RBM47: variants seen among roughly 807,000 people sequenced by gnomAD.
The protein encoded by RBM47 is RNA binding motif protein 47.
A neutral mutation model predicts 47.1 loss-of-function variants in RBM47; 21 were observed. The observed-to-expected ratio is 0.45, with a 90% CI of 0.32 to 0.64. The LOEUF is 0.64. RBM47 is among the 30% of genes least tolerant of loss of function. The pLI, the probability that RBM47 is intolerant of heterozygous loss-of-function variation, is 0.05. For synonymous variants in RBM47, 375 were observed against 361.7 expected, an observed-to-expected ratio of 1.04 and a Z score of -0.42; for missense variants, 708 against 870.9, an observed-to-expected ratio of 0.81 and a Z score of 2.35.
chr4:40,560,118 C>T (rs1730466737), intron 1 of RBM47, among the ~76,000 whole-genome samples: 1 of 152,130 alleles, frequency 6.6e-6, no homozygotes, highest in Non-Finnish European at 1.5e-5. Context: ...CAAAACGCAG[C>T]CAAGCTGAGT....
chr4:40,576,254 TTTG>T (rs1339040834), intron 1 of RBM47, among the ~76,000 whole-genome samples: 1 of 69,784 alleles, frequency 1.4e-5, no homozygotes, highest in Non-Finnish European at 2.7e-5. Context: ...TTTTTTTTTT[TTTG>T]GGGGGGGGCG....
intron 3 of RBM47, among the ~76,000 whole-genome samples, chr4:40,458,143 T>C (rs569585323): frequency 5.3e-4 from 80 of 152,338 alleles, no homozygotes; most frequent in African/African-American, 1.9e-3. Flanking sequence ...ATATTACACA[T>C]GAATACATGT....
At chr4:40,496,330 AC>A (rs1722565584) in intron 2 of RBM47, among the ~76,000 whole-genome samples, 1 of 9,006 alleles carries the variant, frequency 1.1e-4, no homozygotes, top group Non-Finnish European at 2.7e-4. Flanking sequence ...GAGAACTTAA[AC>A]ACACACACAC....
rs56334700 is a variant in RBM47, at chr4:40,423,652, TTTTCTTTCTTTCTTTCTTTCTTTCTTTC to T, written c.*2224_*2251del. On this transcript the variant is annotated 3_prime_UTR_variant, in exon 7 of 7. Coordinates refer to ENST00000295971, the MANE Select transcript of RBM47 (RefSeq NM_001098634.2). The stretch of plus-strand genomic sequence containing the variant: ...TCATTTTTTTTTATTCTTTCTTTCT[TTTTCTTTCTTTCTTTCTTTCTTTCTTTC>T]TTTCTTTCTTTCTTTCTTTCTTTCT... The T allele has an allele frequency of 5.0e-4, 65 of 129,280 alleles. No homozygotes were observed. In the South Asian group the frequency reaches 5.2e-3, roughly 10 times the overall value. The allele number at this position is 129,280 out of a possible 1,614,324, so 8.0% of individuals were successfully genotyped here. A position where few individuals can be genotyped will look rare whatever the true frequency, so the allele number is the denominator to read the frequency against.
At chr4:40,520,885 C>T (rs1466985130) in intron 2 of RBM47, among the ~76,000 whole-genome samples, 2 of 152,186 alleles carry the variant, frequency 1.3e-5, no homozygotes, top group African/African-American at 4.8e-5. Context: ...ACCGCTAGAC[C>T]AGCAGTTCTC....
intron 1 of RBM47, among the ~76,000 whole-genome samples, chr4:40,609,081 C>T (rs577894455): frequency 7.9e-5 from 12 of 152,244 alleles, no homozygotes; most frequent in Non-Finnish European, 1.3e-4. Flanking sequence ...GCAGCTCCGC[C>T]TACCGGGTTC....
chr4:40,437,934 G>A lies in RBM47; in HGVS notation c.960C>T (p.Asp320=). ...CLEVTLAKPV[D]KEQYSRYQKA... ...TCTGGTAGCGCGAGTACTGCTCCTT[G>A]TCCACGGGCTTGGCCAGCGTGACCT... The change falls in exon 4 of 7, where the codon GAC becomes GAT. Residue 320 remains aspartate (D), a synonymous_variant. Coordinates refer to ENST00000295971, the MANE Select transcript of RBM47 (RefSeq NM_001098634.2). 8 of 1,613,724 alleles carry A rather than the reference G, an allele frequency of 5.0e-6. No individual in the cohort carries two copies. Among genetic ancestry groups the A allele is most frequent in the Non-Finnish European group, 6.8e-6 (8 of 1,180,010 alleles).
intron 3 of RBM47, among the ~76,000 whole-genome samples, chr4:40,451,163 A>G (rs1371824714): frequency 7.0e-6 from 1 of 143,494 alleles, no homozygotes; most frequent in Non-Finnish European, 1.5e-5. Flanking sequence ...CCTGGGCAGC[A>G]TGGCAAGGCG....
intron 1 of RBM47, among the ~76,000 whole-genome samples, chr4:40,577,150 T>C (rs979792062): frequency 2.0e-5 from 3 of 152,214 alleles, no homozygotes; most frequent in Admixed American, 1.3e-4. Flanking sequence ...CATGAACACA[T>C]GACTGTTCTT....
intron 1 of RBM47, among the ~76,000 whole-genome samples, chr4:40,596,380 T>G (rs1734757187): frequency 7.2e-5 from 11 of 152,196 alleles, no homozygotes; most frequent in Admixed American, 7.2e-4. Context: ...CACTTCCTGG[T>G]GCAGGCACAT....
At chr4:40,426,996 T>C (rs1715153442) in intron 6 of RBM47, 1 of 152,198 alleles carries the variant, frequency 6.6e-6, no homozygotes, top group Non-Finnish European at 1.5e-5. Flanking sequence ...TCTAGATACA[T>C]GCCAGCTGCC....
chr4:40,572,425 T>C (rs1731820138), intron 1 of RBM47, among the ~76,000 whole-genome samples: 1 of 151,782 alleles, frequency 6.6e-6, no homozygotes, highest in Non-Finnish European at 1.5e-5. Flanking sequence ...ATCTTCAAGA[T>C]ATATTGTTAA....
At chr4:40,462,889 T>C (rs1157214176) in intron 3 of RBM47, among the ~76,000 whole-genome samples, 1 of 152,186 alleles carries the variant, frequency 6.6e-6, no homozygotes, top group Non-Finnish European at 1.5e-5. Context: ...ATACTGGATT[T>C]GGCAATGATT....
intron 3 of RBM47, among the ~76,000 whole-genome samples, chr4:40,449,683 T>G (rs2154219014): frequency 6.6e-6 from 1 of 152,248 alleles, no homozygotes; most frequent in African/African-American, 2.4e-5. Flanking sequence ...ATTATCTTGT[T>G]CCCTTTATTT....
intron 1 of RBM47, among the ~76,000 whole-genome samples, chr4:40,596,350 G>C (rs192563576): frequency 6.6e-6 from 1 of 152,178 alleles, no homozygotes. Context: ...AGGTTTAAGG[G>C]GGGGAAGAGG....
Position 40,586,980 on chromosome 4 carries a change from T to C in RBM47, c.-240+42416A>G, listed in dbSNP as rs555613425. On this transcript the variant is annotated intron_variant, in intron 1 of 6. Transcript: ENST00000295971. The stretch of plus-strand genomic sequence containing the variant: ...CCTCGGGCCTTAGTGTTCTCATTTA[T>C]AAAATGAGGGGTTTAGTAATATCCA... Among the ~76,000 whole-genome samples, 5 of 152,170 alleles carry C rather than the reference T, an allele frequency of 3.3e-5. No individual in the cohort carries two copies. In the South Asian group the frequency reaches 1.0e-3, roughly 32 times the overall value.
chr4:40,548,908 C>G (rs761993739), intron 1 of RBM47, among the ~76,000 whole-genome samples: 2 of 152,102 alleles, frequency 1.3e-5, no homozygotes, highest in Admixed American at 6.6e-5. Flanking sequence ...TCAAGTGATC[C>G]GCCCAACTTG....
chr4:40,442,841 T>C (rs563331369), intron 3 of RBM47, among the ~76,000 whole-genome samples: 1 of 152,080 alleles, frequency 6.6e-6, no homozygotes, highest in African/African-American at 2.4e-5. Context: ...GCCCAGCTAA[T>C]TTTTGTATTT....
intron 2 of RBM47, among the ~76,000 whole-genome samples, chr4:40,497,182 C>G (rs1199682853): frequency 2.6e-5 from 4 of 152,198 alleles, no homozygotes; most frequent in Non-Finnish European, 4.4e-5. Flanking sequence ...AGTTCGACCC[C>G]TCTCCACTAC....
Sources: gnomAD v4.1 joint callset for allele counts (sites outside exome capture counted in the v4.1 genomes callset) on GRCh38, gnomAD v4.1.1 for gene constraint, MANE v1.5 for transcripts, NCBI Gene and HGNC (gene_info 2026-07-23, HGNC 2026-07-21) for gene names.